Variants in NID1 observed in about 807,000 individuals in gnomAD.
NID1 encodes nidogen-1.
A neutral mutation model predicts 130.6 loss-of-function variants in NID1; 76 were observed. The observed-to-expected ratio is 0.58, with a 90% CI of 0.48 to 0.70. The LOEUF (loss-of-function observed/expected upper bound fraction) is 0.70, where lower values mean the gene tolerates loss of function less well. Ranked by LOEUF, NID1 falls within the 30% of genes least tolerant of loss-of-function variation. The pLI, the probability that NID1 is intolerant of heterozygous loss-of-function variation, is 0.00. For missense variants in NID1, 1,517 were observed against 1,664.8 expected (o/e 0.91, Z 1.54); for synonymous variants, 665 against 675.1 (o/e 0.98, Z 0.23).
chr1:236,003,080 G>GTAGTTGTCACTCCTAGTGAACGACTA (rs1558428586), intron 12 of NID1, among the ~76,000 whole-genome samples: 1 of 134,442 alleles, frequency 7.4e-6, no homozygotes, highest in Admixed American at 7.2e-5. Context: ...GTGAACGAGT[G>GTAGTTGTCACTCCTAGTGAACGACTA]GTAGTTGTCA....
At chr1:236,058,124 T>C (rs1659944926) in intron 1 of NID1, among the ~76,000 whole-genome samples, 1 of 152,190 alleles carries the variant, frequency 6.6e-6, no homozygotes, top group African/African-American at 2.4e-5. Flanking sequence ...GGTAACCAAA[T>C]ATTGCCTAGG....
chr1:236,043,325 C>T (rs943789919), intron 3 of NID1, among the ~76,000 whole-genome samples: 1 of 152,116 alleles, frequency 6.6e-6, no homozygotes, highest in Non-Finnish European at 1.5e-5. Flanking sequence ...GAAGTGGGGG[C>T]AGTCCTGTGG....
At chr1:236,017,044 C>T (rs983775429) in intron 10 of NID1, 104 bp downstream of exon 10, 4 of 1,503,430 alleles carry the variant, frequency 2.7e-6, no homozygotes, top group Non-Finnish European at 3.7e-6. Flanking sequence ...TTCCCAGCAC[C>T]TTCCAACTTG....
intron 1 of NID1, among the ~76,000 whole-genome samples, chr1:236,059,103 A>C (rs376632246): frequency 6.6e-6 from 1 of 152,214 alleles, no homozygotes; most frequent in African/African-American, 2.4e-5. Context: ...ATTTAGCTTT[A>C]ATGTCACACA....
At chr1:236,009,757 C>G (rs1455543002) in intron 12 of NID1, among the ~76,000 whole-genome samples, 2 of 152,106 alleles carry the variant, frequency 1.3e-5, no homozygotes, top group East Asian at 3.8e-4. Context: ...TCTGTTTGTT[C>G]CTCTTGTTTG....
At chr1:236,006,876 GA>G (rs111989000) in intron 12 of NID1, among the ~76,000 whole-genome samples, 1 of 151,768 alleles carries the variant, frequency 6.6e-6, no homozygotes, top group Non-Finnish European at 1.5e-5. Flanking sequence ...ATAAAGATAG[GA>G]AAAAAAATGG....
At position 236,055,691 on chromosome 1, in the gene NID1, C is replaced by T. The variant is rs536265446; in HGVS notation, c.226-6702G>A. 2.6e-5 allele frequency among the ~76,000 whole-genome samples: 4 copies of T among 151,732 alleles called. No homozygotes were observed. The East Asian group carries it at 7.7e-4, about 29-fold the overall frequency. On this transcript the variant is annotated intron_variant, in intron 1 of 19. Transcript: ENST00000264187. ...ATAGAAAAAAAAAACATACAACAAACCTGATTGATCTGAAGTTCAGCAAAG... is the reference window on the plus strand; with the variant it reads ...ATAGAAAAAAAAAACATACAACAAATCTGATTGATCTGAAGTTCAGCAAAG...
chr1:235,980,754 G>T (rs774355813), intron 16 of NID1, 101 bp from the exon 17 acceptor site: 35 of 1,242,668 alleles, frequency 2.8e-5, no homozygotes, highest in Non-Finnish European at 3.9e-5. Flanking sequence ...GAAGTGATTG[G>T]CAGACATGAA....
intron 12 of NID1, among the ~76,000 whole-genome samples, chr1:235,998,801 TTGA>T (rs1236775847): frequency 6.6e-6 from 1 of 152,248 alleles, no homozygotes; most frequent in African/African-American, 2.4e-5. Flanking sequence ...TATGTTTCAT[TTGA>T]TTCTCATTGC....
chr1:236,002,087 G>A (rs548135328), intron 12 of NID1, among the ~76,000 whole-genome samples: 1 of 152,356 alleles, frequency 6.6e-6, no homozygotes, highest in East Asian at 1.9e-4. Context: ...TAGTGCAAAA[G>A]ATGAGGGCCC....
chr1:236,027,513 C>T (rs6429466), intron 7 of NID1, among the ~76,000 whole-genome samples: 59,335 of 151,946 alleles, frequency 0.39, 12,095 homozygotes, highest in East Asian at 0.49. Flanking sequence ...TCAACCTTTC[C>T]GAACAGCAAT....
intron 12 of NID1, among the ~76,000 whole-genome samples, chr1:235,994,916 C>A (rs1268936782): frequency 6.6e-6 from 1 of 152,198 alleles, no homozygotes; most frequent in East Asian, 1.9e-4. Context: ...ACGCTAGCAT[C>A]TCAAGCTTCT....
At chr1:236,036,343 C>T (rs1659259957) in intron 5 of NID1, among the ~76,000 whole-genome samples, 1 of 152,148 alleles carries the variant, frequency 6.6e-6, no homozygotes, top group South Asian at 2.1e-4. Flanking sequence ...TTTTTTAAAA[C>T]CTCACTTTAT....
At chr1:236,049,217 C>T (rs530191413) in intron 1 of NID1, among the ~76,000 whole-genome samples, 48 of 152,106 alleles carry the variant, frequency 3.2e-4, no homozygotes, top group African/African-American at 1.1e-3. Flanking sequence ...TGAATTTACT[C>T]GAAAAAGGGA....
intron 1 of NID1, among the ~76,000 whole-genome samples, chr1:236,050,326 G>C (rs1243519140): frequency 6.6e-6 from 1 of 152,072 alleles, no homozygotes; most frequent in Non-Finnish European, 1.5e-5. Context: ...GGCTGAGGCG[G>C]GTGGATCACC....
At chr1:236,061,071 T>G (rs1394303562) in intron 1 of NID1, among the ~76,000 whole-genome samples, 1 of 152,206 alleles carries the variant, frequency 6.6e-6, no homozygotes, top group Admixed American at 6.5e-5. Flanking sequence ...AAAGTCATGG[T>G]TGATGAGGAA....
intron 12 of NID1, among the ~76,000 whole-genome samples, chr1:236,003,565 T>C (rs575531589): frequency 6.6e-6 from 1 of 152,248 alleles, no homozygotes; most frequent in African/African-American, 2.4e-5. Context: ...TTGTGCCAAG[T>C]GCTATCAAGA....
intron 6 of NID1, among the ~76,000 whole-genome samples, chr1:236,030,839 C>T (rs1371181951): frequency 6.6e-6 from 1 of 152,156 alleles, no homozygotes; most frequent in African/African-American, 2.4e-5. Flanking sequence ...ACTTCCTCTC[C>T]CTCAGCCCAG....
At chr1:236,039,518 C>T (rs1175681051) in intron 4 of NID1, among the ~76,000 whole-genome samples, 1 of 151,948 alleles carries the variant, frequency 6.6e-6, no homozygotes, top group Non-Finnish European at 1.5e-5. Context: ...AGCCTTTGAC[C>T]CAAGAAAGAA....
Sources: gnomAD v4.1 joint callset for allele counts (sites outside exome capture counted in the v4.1 genomes callset) on GRCh38, gnomAD v4.1.1 for gene constraint, MANE v1.5 for transcripts, NCBI Gene and HGNC (gene_info 2026-07-23, HGNC 2026-07-21) for gene names.